POLR3B: variants seen among roughly 807,000 people sequenced by gnomAD.
POLR3B encodes RNA polymerase III subunit B, also known as DNA-directed RNA polymerase III subunit RPC2.
Under a neutral mutation model 147.4 loss-of-function variants are expected in POLR3B, and 96 were observed. The ratio of observed to expected loss-of-function variants is 0.65; its 90% CI spans 0.55 to 0.77. The LOEUF is 0.77. Among genes scored for constraint, POLR3B ranks in the 30% least tolerant of loss-of-function variants. POLR3B has a pLI of 0.00. For synonymous variants in POLR3B, 461 were observed against 485.9 expected, an observed-to-expected ratio of 0.95 and a Z score of 0.67; for missense variants, 1,036 against 1,413.5, an observed-to-expected ratio of 0.73 and a Z score of 4.28.
chr12:106,397,493 T>C (rs1236711615), intron 10 of POLR3B, among the ~76,000 whole-genome samples: 1 of 152,242 alleles, frequency 6.6e-6, no homozygotes, highest in East Asian at 1.9e-4. Context: ...TACAGAACTT[T>C]ATATATGGAA....
chr12:106,372,833 A>G (rs1207177458), intron 6 of POLR3B, among the ~76,000 whole-genome samples: 1 of 151,852 alleles, frequency 6.6e-6, no homozygotes, highest in Non-Finnish European at 1.5e-5. Flanking sequence ...TAACTGAAAT[A>G]TTCTTATATC....
intron 1 of POLR3B, among the ~76,000 whole-genome samples, chr12:106,360,905 G>C (rs926788548): frequency 1.3e-5 from 2 of 152,176 alleles, no homozygotes; most frequent in African/African-American, 4.8e-5. Flanking sequence ...GTAGGCGAGG[G>C]GTATTTTGGT....
intron 19 of POLR3B, among the ~76,000 whole-genome samples, chr12:106,447,655 A>G (rs555755982): frequency 5.3e-5 from 8 of 152,282 alleles, no homozygotes; most frequent in Admixed American, 2.0e-4. Context: ...CATGAGCCAC[A>G]CTTTCATATC....
chr12:106,383,206 G>C (rs2036788798), intron 9 of POLR3B, among the ~76,000 whole-genome samples: 1 of 152,188 alleles, frequency 6.6e-6, no homozygotes, highest in Non-Finnish European at 1.5e-5. Flanking sequence ...TGACTTAAGG[G>C]AATGTTGTTG....
chr12:106,507,637 A>G (rs1565919976), intron 27 of POLR3B: 1 of 331,440 alleles, frequency 3.0e-6, no homozygotes, highest in Non-Finnish European at 5.9e-6. Flanking sequence ...CCAAGTTTGT[A>G]TTTGTACTGT....
At chr12:106,424,171 C>CATAT (rs58229728) in intron 12 of POLR3B, among the ~76,000 whole-genome samples, 46 of 151,504 alleles carry the variant, frequency 3.0e-4, no homozygotes, top group African/African-American at 7.8e-4. Context: ...TGTCTTTTAA[C>CATAT]ATATATATAT....
At chr12:106,478,816 T>C (rs2137055285) in intron 23 of POLR3B, among the ~76,000 whole-genome samples, 1 of 152,256 alleles carries the variant, frequency 6.6e-6, no homozygotes, top group Admixed American at 6.5e-5. Context: ...AAACCATCAG[T>C]CCTTGTCTCT....
At chr12:106,506,020 G>A (rs929659288) in intron 27 of POLR3B, among the ~76,000 whole-genome samples, 3 of 152,190 alleles carry the variant, frequency 2.0e-5, no homozygotes, top group African/African-American at 7.2e-5. Context: ...ACTAACAGAA[G>A]AGGTGGCCAT....
chr12:106,451,636 G>C (rs202188040), intron 19 of POLR3B, among the ~76,000 whole-genome samples: 25 of 139,174 alleles, frequency 1.8e-4, no homozygotes, highest in East Asian at 4.5e-4. Context: ...AAAAAGGCGG[G>C]GGGGGAGGAG....
intron 2 of POLR3B, among the ~76,000 whole-genome samples, chr12:106,366,140 T>C (rs1301542578): frequency 6.6e-6 from 1 of 152,190 alleles, no homozygotes; most frequent in Non-Finnish European, 1.5e-5. Context: ...CATTAGGCGA[T>C]AGGAATTTTT....
chr12:106,442,089 AAAAG>A (rs1229496068), intron 18 of POLR3B, among the ~76,000 whole-genome samples: 18 of 143,862 alleles, frequency 1.3e-4, no homozygotes, highest in Admixed American at 6.8e-4. Flanking sequence ...TCAAAAAAAA[AAAAG>A]AAAGAAAGAA....
chr12:106,481,008 G>C (rs2038259612), intron 23 of POLR3B, among the ~76,000 whole-genome samples: 1 of 152,172 alleles, frequency 6.6e-6, no homozygotes, highest in South Asian at 2.1e-4. Flanking sequence ...TCTGAGAGAA[G>C]TAAGAGGGTG....
chr12:106,372,706 T>G (rs995823184), intron 6 of POLR3B, among the ~76,000 whole-genome samples: 3 of 152,160 alleles, frequency 2.0e-5, no homozygotes, highest in African/African-American at 7.2e-5. Context: ...GTAGACATTA[T>G]TTTTTCCCTC....
intron 11 of POLR3B, 80 bp from the exon 12 acceptor site, chr12:106,410,746 T>C (rs765436901): frequency 4.5e-6 from 5 of 1,111,548 alleles, no homozygotes; most frequent in Middle Eastern, 2.1e-4. Flanking sequence ...TTGAATGTTA[T>C]AGTATTGATA....
chr12:106,437,385 G>A (rs2037591637), intron 17 of POLR3B, among the ~76,000 whole-genome samples: 1 of 152,144 alleles, frequency 6.6e-6, no homozygotes, highest in Non-Finnish European at 1.5e-5. Context: ...TACATCATGT[G>A]TCAGTGTAGA....
intron 25 of POLR3B, among the ~76,000 whole-genome samples, chr12:106,498,906 T>A (rs367581010): frequency 1.3e-5 from 2 of 152,214 alleles, no homozygotes; most frequent in East Asian, 3.8e-4. Flanking sequence ...ACTTGAACAC[T>A]AGTGAAACTC....
In POLR3B at chr12:106,459,139, G is replaced by A. The variant is rs934236054; in HGVS notation, c.2453-112G>A. The A allele has an allele frequency of 2.5e-5, 18 of 734,644 alleles. No homozygotes were observed. In the African/African-American group the frequency reaches 2.8e-4, roughly 11 times the overall value. The allele number at this position is 734,644 out of a possible 1,614,324, so 45.5% of individuals were successfully genotyped here. A position where few individuals can be genotyped will look rare whatever the true frequency, so the allele number is the denominator to read the frequency against. ...CCTAGGTTCAAGCAGTCCTCCTACC[G>A]CAGCCTCCTGAGTTGTTGGGACTGC... On this transcript the variant is annotated intron_variant, in intron 21 of 27. Coordinates refer to ENST00000228347, the MANE Select transcript of POLR3B (RefSeq NM_018082.6).
At chr12:106,398,609 C>T (rs374211277) in intron 10 of POLR3B, among the ~76,000 whole-genome samples, 5 of 152,180 alleles carry the variant, frequency 3.3e-5, no homozygotes, top group African/African-American at 4.8e-5. Context: ...ACACCTCACA[C>T]GGCCAGGTAC....
chr12:106,403,604 T>G (rs1283027849), intron 10 of POLR3B, among the ~76,000 whole-genome samples: 1 of 151,938 alleles, frequency 6.6e-6, no homozygotes, highest in African/African-American at 2.4e-5. Flanking sequence ...ATGTGGCACA[T>G]ATACACCATG....
Sources: allele counts gnomAD v4.1 joint callset (sites outside exome capture counted in the v4.1 genomes callset), GRCh38; gene constraint gnomAD v4.1.1; transcripts MANE v1.5; gene names NCBI Gene and HGNC (gene_info 2026-07-23, HGNC 2026-07-21).